CATSPERD: variants seen among roughly 807,000 people sequenced by gnomAD.
The protein encoded by CATSPERD is catsper channel auxiliary subunit delta.
Under a neutral mutation model 98.1 loss-of-function variants are expected in CATSPERD, and 86 were observed. The observed-to-expected ratio is 0.88, with a 90% CI of 0.74 to 1.05. The LOEUF (loss-of-function observed/expected upper bound fraction) is 1.05, where lower values mean the gene tolerates loss of function less well. Ranked by LOEUF, CATSPERD falls within the 50% of genes least tolerant of loss-of-function variation. CATSPERD has a pLI of 0.00. For synonymous variants in CATSPERD, 394 were observed against 390.2 expected, an observed-to-expected ratio of 1.01 and a Z score of -0.12; for missense variants, 995 against 1,005.7, an observed-to-expected ratio of 0.99 and a Z score of 0.14.
At chr19:5,768,633 G>A (rs2056588772) in intron 18 of CATSPERD, among the ~76,000 whole-genome samples, 1 of 151,384 alleles carries the variant, frequency 6.6e-6, no homozygotes, top group Admixed American at 6.6e-5. Flanking sequence ...ACCGCGCCCG[G>A]CCTATTATTA....
intron 18 of CATSPERD, among the ~76,000 whole-genome samples, chr19:5,769,990 G>A (rs1189958675): frequency 1.3e-5 from 2 of 151,772 alleles, no homozygotes; most frequent in Non-Finnish European, 2.9e-5. Context: ...TCAGGAGGCT[G>A]AGGTGGGAGA....
intron 16 of CATSPERD, among the ~76,000 whole-genome samples, chr19:5,764,165 G>T (rs923015782): frequency 6.7e-5 from 10 of 148,934 alleles, no homozygotes; most frequent in African/African-American, 2.5e-4. Flanking sequence ...TGAACTCCTG[G>T]TCTTGTGATC....
chr19:5,776,625 G>A (rs536721738), intron 21 of CATSPERD, among the ~76,000 whole-genome samples: 1 of 152,296 alleles, frequency 6.6e-6, no homozygotes, highest in East Asian at 1.9e-4. Flanking sequence ...GTGGGCCAGA[G>A]CTGGCTCAAA....
intron 6 of CATSPERD, 61 bp from the exon 7 acceptor site, chr19:5,739,265 G>A (rs2055908734): frequency 6.4e-6 from 6 of 933,228 alleles, no homozygotes; most frequent in South Asian, 2.8e-5. Context: ...TGGGATAAAC[G>A]TTCAGGAACG....
intron 15 of CATSPERD, among the ~76,000 whole-genome samples, chr19:5,760,296 G>A (rs2056409595): frequency 6.6e-6 from 1 of 151,618 alleles, no homozygotes; most frequent in Non-Finnish European, 1.5e-5. Context: ...CTACTCGGGA[G>A]GCTGAGGCAG....
In CATSPERD at chr19:5,749,141, GTAT is replaced by G; in HGVS notation, c.949_951del (p.Tyr317del). On this transcript the variant is annotated inframe_deletion, in exon 11 of 22. Coordinates refer to ENST00000381624, the MANE Select transcript of CATSPERD (RefSeq NM_152784.4). ...CAGTTATAACTCGGGAGGATAATTT[GTAT>G]TATGGCAATCTGGGCATCGTGCCAA... is the stretch of plus-strand genomic sequence containing the variant. 6.2e-7 allele frequency: 1 copy of G among 1,612,668 alleles called. No individual in the cohort carries two copies. The highest frequency in any genetic ancestry group is 8.5e-7 in the Non-Finnish European group (1 of 1,179,446).
At chr19:5,755,129 C>G (rs1225181954) in intron 13 of CATSPERD, among the ~76,000 whole-genome samples, 1 of 152,100 alleles carries the variant, frequency 6.6e-6, no homozygotes, top group Non-Finnish European at 1.5e-5. Context: ...CAGGCGTGAG[C>G]CACCATGCTG....
Position 5,749,037 on chromosome 19 carries a change from T to C in CATSPERD, c.905-64T>C, listed in dbSNP as rs565008692. 111 of 1,422,062 alleles carry C rather than the reference T, an allele frequency of 7.8e-5. 1 individual carries two copies. In the East Asian group the frequency reaches 1.5e-3, roughly 20 times the overall value. 88.1% of individuals were successfully genotyped at this position (1,422,062 alleles called of 1,614,324 possible). ...GAGCCACTGCACCCAACCACACTTA[T>C]GTTTTTGTCCACAGAAATGACCAGC... is the stretch of plus-strand genomic sequence containing the variant. On this transcript the variant is annotated intron_variant, in intron 10 of 21. Transcript: ENST00000381624.
intron 7 of CATSPERD, among the ~76,000 whole-genome samples, chr19:5,743,977 A>ATTCCT (rs1229029491): frequency 1.3e-5 from 2 of 151,848 alleles, no homozygotes; most frequent in African/African-American, 2.4e-5. Context: ...CAAGTGTCAC[A>ATTCCT]TTTCTTTTCT....
At position 5,732,920 on chromosome 19, in the gene CATSPERD, G is replaced by T. The variant is rs1247716299; in HGVS notation, c.277-936G>T. ...TTGAACTCTTAACCTTGAGTGATCC[G>T]CCTGCCTTGGCTTCCTGAAGTGTTG... On this transcript the variant is annotated intron_variant, in intron 4 of 21. Coordinates refer to ENST00000381624, the MANE Select transcript of CATSPERD (RefSeq NM_152784.4). 2.6e-5 allele frequency among the ~76,000 whole-genome samples: 4 copies of T among 151,846 alleles called. No individual in the cohort carries two copies. The South Asian group carries it at 6.2e-4, about 24-fold the overall frequency.
In CATSPERD at chr19:5,753,751, T is replaced by C. The variant is rs368762122; in HGVS notation, c.1165-381T>C. The C allele has an allele frequency of 1.4e-4, 35 of 251,624 alleles. No individual in the cohort carries two copies. The East Asian group carries it at 3.6e-3, about 26-fold the overall frequency. The allele number at this position is 251,624 out of a possible 1,614,324, so 15.6% of individuals were successfully genotyped here. On this transcript the variant is annotated intron_variant, in intron 12 of 21. Coordinates refer to ENST00000381624, the MANE Select transcript of CATSPERD (RefSeq NM_152784.4). ...AGCCGGGCATGGTGGTGCACGCCTG[T>C]AGTCCTGGCTACTTGGGAGGCTGAG...
intron 16 of CATSPERD, among the ~76,000 whole-genome samples, 179 bp from the exon 17 acceptor site, chr19:5,765,924 A>G (rs2056529624): frequency 6.6e-6 from 1 of 152,078 alleles, no homozygotes; most frequent in South Asian, 2.1e-4. Flanking sequence ...CTCAGAGCTT[A>G]AGCTCCGCGG....
intron 4 of CATSPERD, among the ~76,000 whole-genome samples, chr19:5,731,360 T>C (rs1441236647): frequency 6.6e-6 from 1 of 151,424 alleles, no homozygotes; most frequent in African/African-American, 2.4e-5. Context: ...TGGTGGTGCG[T>C]GCCTGTTGTT....
intron 9 of CATSPERD, 43 bp from the exon 10 acceptor site, chr19:5,748,117 G>A: frequency 1.3e-6 from 2 of 1,533,924 alleles, no homozygotes; most frequent in Non-Finnish European, 1.8e-6. Context: ...CCCTTTCCCA[G>A]GATGTACACG....
At chr19:5,777,203 GA>G (rs368828906) in intron 21 of CATSPERD, among the ~76,000 whole-genome samples, 5 of 150,402 alleles carry the variant, frequency 3.3e-5, no homozygotes, top group Non-Finnish European at 7.4e-5. Flanking sequence ...TTCACCCCCT[GA>G]AAAAAAAACA....
chr19:5,742,899 C>G (rs1052159588), intron 7 of CATSPERD, among the ~76,000 whole-genome samples: 3 of 152,166 alleles, frequency 2.0e-5, no homozygotes, highest in African/African-American at 7.2e-5. Context: ...GAGGGAGGGT[C>G]TTGAAGGCAG....
Position 5,746,125 on chromosome 19 carries a change from C to T in CATSPERD, c.808+62C>T, listed in dbSNP as rs2056089401. The T allele has an allele frequency of 1.6e-5, 25 of 1,583,216 alleles. No homozygotes were observed. In the South Asian group the frequency reaches 2.7e-4, roughly 17 times the overall value. On this transcript the variant is annotated intron_variant, in intron 9 of 21. Transcript: ENST00000381624. Reference sequence around the variant, plus strand: ...TGGCCTCCTCCAGAGGGGCCGAGTACAGCCTGGATAAGGGGAGGGGAAGGA... The same window carrying T: ...TGGCCTCCTCCAGAGGGGCCGAGTATAGCCTGGATAAGGGGAGGGGAAGGA...
intron 1 of CATSPERD, 49 bp downstream of exon 1, chr19:5,720,857 GGGTGC>G (rs769606859): frequency 1.3e-6 from 2 of 1,519,020 alleles, no homozygotes; most frequent in African/African-American, 2.7e-5. Flanking sequence ...GGGGTCGGGA[GGGTGC>G]TGGTTCATCT....
intron 2 of CATSPERD, among the ~76,000 whole-genome samples, chr19:5,725,848 C>A (rs1048243300): frequency 5.3e-5 from 8 of 151,802 alleles, no homozygotes; most frequent in Admixed American, 3.9e-4. Flanking sequence ...TACAGTGAAC[C>A]AAGATCGTGC....
Sources: gnomAD v4.1 joint callset for allele counts (sites outside exome capture counted in the v4.1 genomes callset) on GRCh38, gnomAD v4.1.1 for gene constraint, MANE v1.5 for transcripts, NCBI Gene and HGNC (gene_info 2026-07-23, HGNC 2026-07-21) for gene names.